The following RAB18 variants were observed in gnomAD, a reference collection of about 807,000 sequenced individuals.
RAB18 encodes the protein ras-related protein Rab-18.
In RAB18, 10 loss-of-function variants were observed where a neutral mutation model predicts 28.5. The ratio of observed to expected loss-of-function variants is 0.35; its 90% confidence interval spans 0.22 to 0.60. The LOEUF is 0.60. RAB18 is among the 20% of genes least tolerant of loss of function. RAB18 has a pLI of 0.78. For synonymous variants in RAB18, 93 were observed against 86.9 expected, an observed-to-expected ratio of 1.07 and a Z score of -0.39; for missense variants, 188 against 244.2, an observed-to-expected ratio of 0.77 and a Z score of 1.53.
At chr10:27,531,330 C>A (rs918889295) in intron 3 of RAB18, among the ~76,000 whole-genome samples, 1 of 151,934 alleles carries the variant, frequency 6.6e-6, no homozygotes, top group Non-Finnish European at 1.5e-5. Context: ...GACTGCAGAT[C>A]CTCCCTACTG....
intron 1 of RAB18, 95 bp downstream of exon 1, chr10:27,504,532 A>G (rs1837754074): frequency 1.4e-6 from 2 of 1,405,706 alleles, no homozygotes; most frequent in East Asian, 2.5e-5. Flanking sequence ...TGTAAACTGC[A>G]GCGGCGGGCT....
At position 27,538,538 on chromosome 10, in the gene RAB18, T is replaced by A. The variant is rs1410056571; in HGVS notation, c.*487T>A. 2.2e-6 allele frequency: 1 copy of A among 454,560 alleles called. No individual in the cohort carries two copies. The highest frequency in any genetic ancestry group is 6.9e-5 in the East Asian group (1 of 14,396). 28.2% of individuals were successfully genotyped at this position (454,560 alleles called of 1,614,324 possible). On this transcript the variant is annotated 3_prime_UTR_variant, in exon 7 of 7. Transcript: ENST00000356940. ...AGCTTTTCTGGGATGTTTGAGATTC[T>A]TTTTTAGTACTAAGCAAAATTCTCA...
At chr10:27,514,227 A>C (rs934858492) in intron 2 of RAB18, 2 of 152,254 alleles carry the variant, frequency 1.3e-5, no homozygotes, top group African/African-American at 2.4e-5. Flanking sequence ...ATAAAAAAGG[A>C]AGAAAGAAAC....
rs768390542 is a variant in RAB18 at position 27,538,201 on chromosome 10, C to T, written c.*150C>T. 8 of 1,047,292 alleles carry T rather than the reference C, an allele frequency of 7.6e-6. No homozygotes were observed. Among genetic ancestry groups the T allele is most frequent in the Non-Finnish European group, 7.2e-6 (5 of 697,974 alleles). The allele number at this position is 1,047,292 out of a possible 1,614,324, so 64.9% of individuals were successfully genotyped here. A position where few individuals can be genotyped will look rare whatever the true frequency, so the allele number is the denominator to read the frequency against. ...AATATTTGCAAGAAATCCCACTCATCGACCCCGGGTAAAATGTTATGGTAA... is the reference window on the plus strand; with the variant it reads ...AATATTTGCAAGAAATCCCACTCATTGACCCCGGGTAAAATGTTATGGTAA... On this transcript the variant is annotated 3_prime_UTR_variant, in exon 7 of 7. Coordinates refer to ENST00000356940, the MANE Select transcript of RAB18 (RefSeq NM_021252.5).
At chr10:27,528,325 C>T (rs768770051) in intron 3 of RAB18, 1 of 493,926 alleles carries the variant, frequency 2.0e-6, no homozygotes, top group Non-Finnish European at 4.1e-6. Flanking sequence ...GAGAGGTTTT[C>T]CCCCTGGCTG....
chr10:27,537,264 G>A (rs1210337995), intron 6 of RAB18, among the ~76,000 whole-genome samples: 3 of 152,206 alleles, frequency 2.0e-5, no homozygotes, highest in Non-Finnish European at 4.4e-5. Context: ...AATGCAGCTA[G>A]ATTATTAGCT....
intron 2 of RAB18, among the ~76,000 whole-genome samples, chr10:27,522,490 TAA>T (rs1834581119): frequency 6.6e-6 from 1 of 152,178 alleles, no homozygotes; most frequent in Admixed American, 6.5e-5. Context: ...GTTGAATTTT[TAA>T]AAAGTATTCT....
chr10:27,520,173 G>T (rs1834517513), intron 2 of RAB18, among the ~76,000 whole-genome samples: 1 of 152,100 alleles, frequency 6.6e-6, no homozygotes, highest in African/African-American at 2.4e-5. Flanking sequence ...TACTAGTTAT[G>T]GGTCTATTCA....
chr10:27,539,970 A>G lies in RAB18; in HGVS notation c.*1919A>G. ...AGTGTTTTGTAGTGGAGGTTTTGTAAATGAAACAGTTGTAATATCTAAGGT... is the reference window on the plus strand; with the variant it reads ...AGTGTTTTGTAGTGGAGGTTTTGTAGATGAAACAGTTGTAATATCTAAGGT... On this transcript the variant is annotated 3_prime_UTR_variant, in exon 7 of 7. Transcript: ENST00000356940. The G allele has an allele frequency of 2.2e-6, 1 of 453,306 alleles. No homozygotes were observed. Among genetic ancestry groups the G allele is most frequent in the South Asian group, 1.6e-5 (1 of 64,202 alleles). The allele number at this position is 453,306 out of a possible 1,614,324, so 28.1% of individuals were successfully genotyped here.
rs1486946726 is a variant in RAB18 at position 27,541,470 on chromosome 10, T to A, written c.*3419T>A. 8.8e-6 allele frequency: 4 copies of A among 453,792 alleles called. No individual in the cohort carries two copies. The highest frequency in any genetic ancestry group is 1.8e-5 in the Non-Finnish European group (4 of 226,770). 28.1% of individuals were successfully genotyped at this position (453,792 alleles called of 1,614,324 possible). ...TTATTGTTTCATACTTGGGAATCAG[T>A]CATGTTTCTGATTGTGGTATAAAGT... On this transcript the variant is annotated 3_prime_UTR_variant, in exon 7 of 7. Coordinates refer to ENST00000356940, the MANE Select transcript of RAB18 (RefSeq NM_021252.5).
At position 27,541,635 on chromosome 10, in the gene RAB18, CTTTTT is replaced by C; in HGVS notation, c.*3593_*3597del. Reference sequence around the variant, plus strand: ...CGTTTCTCATGCAGGTTATTTCTTGCTTTTTTTTTTTTTCCTCTTTTTTAACCGGA... The same window carrying C: ...CGTTTCTCATGCAGGTTATTTCTTGCTTTTTTTTCCTCTTTTTTAACCGGA... On this transcript the variant is annotated 3_prime_UTR_variant, in exon 7 of 7. Coordinates refer to ENST00000356940, the MANE Select transcript of RAB18 (RefSeq NM_021252.5). The C allele has an allele frequency of 2.3e-6, 1 of 427,354 alleles. No individual in the cohort carries two copies. Among genetic ancestry groups the C allele is most frequent in the South Asian group, 1.7e-5 (1 of 59,420 alleles). The allele number at this position is 427,354 out of a possible 1,614,324, so 26.5% of individuals were successfully genotyped here. A position where few individuals can be genotyped will look rare whatever the true frequency, so the allele number is the denominator to read the frequency against.
chr10:27,509,813 C>A, intron 1 of RAB18, 62 bp from the exon 2 acceptor site: 1 of 1,305,036 alleles, frequency 7.7e-7, no homozygotes, highest in Non-Finnish European at 1.1e-6. Context: ...TAATCATGAA[C>A]ACATTTATCA....
chr10:27,532,382 A>C (rs1048517722), intron 3 of RAB18, 125 bp from the exon 4 acceptor site: 5 of 645,828 alleles, frequency 7.7e-6, no homozygotes, highest in Non-Finnish European at 1.3e-5. Context: ...TTTAAGTTCC[A>C]GTTTTTTAAT....
intron 1 of RAB18, 102 bp downstream of exon 1, chr10:27,504,539 G>GGCTCGGGCCGGCTCC: frequency 7.5e-7 from 1 of 1,325,964 alleles, no homozygotes; most frequent in African/African-American, 1.5e-5. Flanking sequence ...TGCAGCGGCG[G>GGCTCGGGCCGGCTCC]GCTCGGGCCG....
chr10:27,522,716 G>A (rs1834585694), intron 2 of RAB18, among the ~76,000 whole-genome samples: 1 of 151,496 alleles, frequency 6.6e-6, no homozygotes, highest in African/African-American at 2.4e-5. Flanking sequence ...TATTTTCTTT[G>A]TGATCTATTT....
chr10:27,527,167 A>G (rs1046999585), intron 3 of RAB18: 28 of 492,540 alleles, frequency 5.7e-5, no homozygotes, highest in Non-Finnish European at 1.0e-4. Context: ...AGAGAATCAT[A>G]ATTGGATATG....
intron 2 of RAB18, among the ~76,000 whole-genome samples, chr10:27,514,773 G>T (rs1276907480): frequency 2.7e-5 from 4 of 146,256 alleles, no homozygotes; most frequent in South Asian, 2.2e-4. Flanking sequence ...TTGTTTTTTT[G>T]TTTTTTTTTT....
intron 3 of RAB18, among the ~76,000 whole-genome samples, chr10:27,531,820 A>G (rs1834794733): frequency 1.3e-5 from 2 of 151,914 alleles, no homozygotes; most frequent in South Asian, 4.1e-4. Flanking sequence ...ATTCTGAGCA[A>G]CTGCCTTTTT....
chr10:27,514,522 G>A (rs1834392200), intron 2 of RAB18, among the ~76,000 whole-genome samples: 1 of 152,060 alleles, frequency 6.6e-6, no homozygotes. Context: ...ATAGAGAACT[G>A]TGGAAAATAC....
Sources: allele counts gnomAD v4.1 joint callset (sites outside exome capture counted in the v4.1 genomes callset), GRCh38; gene constraint gnomAD v4.1.1; transcripts MANE v1.5; gene names NCBI Gene and HGNC (gene_info 2026-07-23, HGNC 2026-07-21).